The following TENM1 variants were observed in gnomAD, a reference collection of about 807,000 sequenced individuals.
TENM1 encodes teneurin-1.
In TENM1, 35 loss-of-function variants were observed where a neutral mutation model predicts 174.8. That is an observed-to-expected ratio of 0.20 (90% CI 0.15 to 0.27). The LOEUF (loss-of-function observed/expected upper bound fraction) is 0.27. Ranked by LOEUF, TENM1 falls within the 10% of genes least tolerant of loss-of-function variation. TENM1 has a pLI of 1.00. For synonymous variants in TENM1, 781 were observed against 798.7 expected, an observed-to-expected ratio of 0.98 and a Z score of 0.37; for missense variants, 1,633 against 2,130.1, an observed-to-expected ratio of 0.77 and a Z score of 4.59.
At chrX:125,183,129 A>G in the TENM1 span, among the ~76,000 whole-genome samples, 3 of 112,350 alleles carry the variant, frequency 2.7e-5, no homozygotes, top group Non-Finnish European at 5.6e-5. Context: ...TTTTGGTTTC[A>G]TCAGAATAGC....
chrX:124,485,138 T>C (rs2046926385), intron 21 of TENM1, among the ~76,000 whole-genome samples: 1 of 111,850 alleles, frequency 8.9e-6, no homozygotes, highest in East Asian at 2.8e-4. Context: ...TTTATGTATG[T>C]TAATAATAAT....
the TENM1 span, among the ~76,000 whole-genome samples, chrX:125,191,981 G>C: frequency 3.7e-5 from 4 of 109,118 alleles, no homozygotes; most frequent in Non-Finnish European, 7.6e-5. Context: ...CACCATGTAA[G>C]GACACAGGGT....
chrX:124,896,693 G>T (rs2057567986), intron 1 of TENM1, among the ~76,000 whole-genome samples: 2 of 111,660 alleles, frequency 1.8e-5, no homozygotes, highest in Non-Finnish European at 3.8e-5. Flanking sequence ...AATTCAATGT[G>T]AAAACTCTGA....
chrX:124,741,450 A>G (rs975254815), intron 3 of TENM1, among the ~76,000 whole-genome samples: 4 of 111,739 alleles, frequency 3.6e-5, no homozygotes, highest in African/African-American at 1.3e-4. Flanking sequence ...AATTCACTGC[A>G]CTATGCAAAA....
At chrX:125,147,537 G>A in the TENM1 span, among the ~76,000 whole-genome samples, 4 of 111,205 alleles carry the variant, frequency 3.6e-5, no homozygotes, top group African/African-American at 1.3e-4. Flanking sequence ...CTTATAATTA[G>A]ACTTCAAAAT....
chrX:124,605,215 A>G (rs906989164), intron 11 of TENM1, among the ~76,000 whole-genome samples: 1 of 101,139 alleles, frequency 9.9e-6, no homozygotes. Flanking sequence ...TCACCATACT[A>G]GATGGGCTTT....
In TENM1 at chrX:124,804,471, A is replaced by T. The variant is rs780207690; in HGVS notation, c.536-67274T>A. On this transcript the variant is annotated intron_variant, in intron 3 of 31. Transcript: ENST00000422452. Reference sequence around the variant, plus strand: ...GAAGTCATTCAAAATCTATAATTAAATATGTTAATTTCCTGGTTCTACTAT... The same window carrying T: ...GAAGTCATTCAAAATCTATAATTAATTATGTTAATTTCCTGGTTCTACTAT... Among the ~76,000 whole-genome samples, 3 of 111,485 alleles carry T rather than the reference A, an allele frequency of 2.7e-5. No individual in the cohort carries two copies. The East Asian group carries it at 8.4e-4, about 31-fold the overall frequency.
At chrX:124,583,000 C>A (rs1338639501) in intron 11 of TENM1, among the ~76,000 whole-genome samples, 2 of 112,602 alleles carry the variant, frequency 1.8e-5, no homozygotes, top group East Asian at 5.6e-4. Flanking sequence ...CGCCATTGCC[C>A]AGGCTTGCTT....
At chrX:124,557,196 T>G (rs923226620) in intron 14 of TENM1, among the ~76,000 whole-genome samples, 3 of 111,709 alleles carry the variant, frequency 2.7e-5, no homozygotes, top group African/African-American at 9.8e-5. Flanking sequence ...GCACTTGAGA[T>G]GTGACTAGTG....
intron 5 of TENM1, among the ~76,000 whole-genome samples, chrX:124,701,479 C>A (rs2052774217): frequency 8.9e-6 from 1 of 111,797 alleles, no homozygotes; most frequent in Admixed American, 9.6e-5. Context: ...TGACACCTTG[C>A]ATATGGTCAT....
intron 1 of TENM1, among the ~76,000 whole-genome samples, chrX:124,935,714 T>A (rs2058235323): frequency 8.9e-6 from 1 of 112,885 alleles, no homozygotes; most frequent in African/African-American, 3.2e-5. Flanking sequence ...CATCATTGGC[T>A]GGTAAATGCA....
the TENM1 span, among the ~76,000 whole-genome samples, chrX:124,992,456 G>T: frequency 9.0e-6 from 1 of 111,324 alleles, no homozygotes; most frequent in Non-Finnish European, 1.9e-5. Context: ...TCTCCCCGAA[G>T]ACTAGTCATA....
intron 20 of TENM1, among the ~76,000 whole-genome samples, chrX:124,494,646 A>G (rs1288789267): frequency 3.1e-4 from 33 of 107,809 alleles, no homozygotes; most frequent in Non-Finnish European, 5.2e-4. Flanking sequence ...ATATCTCCCA[A>G]TGCTATCCCT....
At chrX:125,051,226 G>A in the TENM1 span, among the ~76,000 whole-genome samples, 13 of 111,619 alleles carry the variant, frequency 1.2e-4, no homozygotes, top group South Asian at 3.8e-4. Flanking sequence ...AACATTCCAC[G>A]CTCATGGGTA....
chrX:124,840,869 T>C (rs144798141), intron 3 of TENM1, among the ~76,000 whole-genome samples: 5,146 of 111,725 alleles, frequency 0.046, 184 homozygotes, highest in African/African-American at 0.12. Context: ...ATAATATACA[T>C]TATAATTTTA....
the TENM1 span, among the ~76,000 whole-genome samples, chrX:125,139,264 G>A: frequency 1.8e-5 from 2 of 111,093 alleles, no homozygotes; most frequent in East Asian, 2.8e-4. Flanking sequence ...GAGAGAATGG[G>A]GGGATGAGGA....
chrX:124,862,371 A>G (rs1012982088), intron 3 of TENM1, among the ~76,000 whole-genome samples: 4 of 111,761 alleles, frequency 3.6e-5, no homozygotes, highest in Non-Finnish European at 7.5e-5. Flanking sequence ...AGAGATAGAA[A>G]AAACAGTCCT....
At chrX:125,016,520 C>G in the TENM1 span, among the ~76,000 whole-genome samples, 3 of 110,955 alleles carry the variant, frequency 2.7e-5, no homozygotes, top group Non-Finnish European at 5.7e-5. Flanking sequence ...CGTGAAGGAC[C>G]TCTTCAAGGA....
chrX:124,937,962 G>A (rs187368516), intron 1 of TENM1, among the ~76,000 whole-genome samples: 61 of 111,335 alleles, frequency 5.5e-4, no homozygotes, highest in African/African-American at 1.8e-3. Flanking sequence ...AGATTGGTCT[G>A]AAGTGTTTCT....
Sources: allele counts gnomAD v4.1 joint callset (sites outside exome capture counted in the v4.1 genomes callset), GRCh38; gene constraint gnomAD v4.1.1; transcripts MANE v1.5; gene names NCBI Gene and HGNC (gene_info 2026-07-23, HGNC 2026-07-21).